The following GALNT18 variants were observed in gnomAD, a reference collection of about 807,000 sequenced individuals.
GALNT18 encodes the protein GalNAc-transferase 18.
Under a neutral mutation model 69.5 loss-of-function variants are expected in GALNT18, and 44 were observed. The ratio of observed to expected loss-of-function variants is 0.63; its 90% CI spans 0.50 to 0.81. The LOEUF (loss-of-function observed/expected upper bound fraction) is 0.81. Among genes scored for constraint, GALNT18 ranks in the 40% least tolerant of loss-of-function variants. The pLI, the probability that GALNT18 is intolerant of heterozygous loss-of-function variation, is 0.00. For missense variants in GALNT18, 715 were observed against 810.0 expected, an observed-to-expected ratio of 0.88 and a Z score of 1.42; for synonymous variants, 364 against 318.2, an observed-to-expected ratio of 1.14 and a Z score of -1.53.
chr11:11,507,788 C>A (rs1450291300), intron 1 of GALNT18, among the ~76,000 whole-genome samples: 2 of 152,142 alleles, frequency 1.3e-5, no homozygotes, highest in African/African-American at 4.8e-5. Flanking sequence ...GAAAGGTAGA[C>A]CCACCCTCAA....
intron 2 of GALNT18, among the ~76,000 whole-genome samples, chr11:11,434,041 A>G (rs1468278323): frequency 6.6e-6 from 1 of 152,126 alleles, no homozygotes; most frequent in African/African-American, 2.4e-5. Context: ...GTTGCAGAAT[A>G]GGAATGGGCC....
chr11:11,420,656 C>A (rs751499782), intron 3 of GALNT18, among the ~76,000 whole-genome samples: 1 of 152,208 alleles, frequency 6.6e-6, no homozygotes, highest in Admixed American at 6.5e-5. Context: ...CTATTGTCTG[C>A]ACCTGATTTT....
rs1001661453 is a variant in GALNT18 at position 11,601,541 on chromosome 11, G to T, written c.235+19818C>A. On this transcript the variant is annotated intron_variant, in intron 1 of 10. Coordinates refer to ENST00000227756, the MANE Select transcript of GALNT18 (RefSeq NM_198516.3). The surrounding 1 kb of genome is among the most constrained non-coding windows in gnomAD (Gnocchi z 4.0). ...CTCCAGCTGTTAGCCTCCACTAGTT[G>T]CTACCTGATTGCTCTATTATTTTCA... 3.3e-5 allele frequency among the ~76,000 whole-genome samples: 5 copies of T among 152,166 alleles called. No homozygotes were observed. The highest frequency in any genetic ancestry group is 1.2e-4 in the African/African-American group (5 of 41,434).
intron 6 of GALNT18, among the ~76,000 whole-genome samples, chr11:11,371,490 T>C (rs1379320491): frequency 6.6e-6 from 1 of 152,126 alleles, no homozygotes; most frequent in Non-Finnish European, 1.5e-5. Flanking sequence ...CATGGATGTG[T>C]GAATAGGCTG....
intron 6 of GALNT18, among the ~76,000 whole-genome samples, chr11:11,368,076 T>C (rs1850811019): frequency 1.3e-5 from 2 of 152,366 alleles, no homozygotes; most frequent in South Asian, 4.1e-4. Context: ...GATGTTTTTA[T>C]TGGGCATACA....
At position 11,595,943 on chromosome 11, in the gene GALNT18, T is replaced by C. The variant is rs933687972; in HGVS notation, c.235+25416A>G. On this transcript the variant is annotated intron_variant, in intron 1 of 10. Coordinates refer to ENST00000227756, the MANE Select transcript of GALNT18 (RefSeq NM_198516.3). This position sits in a 1 kb window ranked among gnomAD's most constrained non-coding sequence, Gnocchi z 5.2. Reference sequence around the variant, plus strand: ...TTTTGTCACTGTGCTTTTGATGTCATACCTAAGTGGCCTTTGCCTAATCTA... The same window carrying C: ...TTTTGTCACTGTGCTTTTGATGTCACACCTAAGTGGCCTTTGCCTAATCTA... Among the ~76,000 whole-genome samples, 1 of 152,222 alleles carries C rather than the reference T, an allele frequency of 6.6e-6. No individual in the cohort carries two copies. The highest frequency in any genetic ancestry group is 1.5e-5 in the Non-Finnish European group (1 of 68,026).
At chr11:11,385,076 G>A (rs1008685728) in intron 3 of GALNT18, among the ~76,000 whole-genome samples, 1 of 152,154 alleles carries the variant, frequency 6.6e-6, no homozygotes, top group Non-Finnish European at 1.5e-5. Context: ...TGGTGGAAGG[G>A]GAAGGGGAGC....
chr11:11,404,200 G>A lies in GALNT18; in HGVS notation c.596-24936C>T, dbSNP rs984035284. Among the ~76,000 whole-genome samples, 6 of 152,178 alleles carry A rather than the reference G, an allele frequency of 3.9e-5. No homozygotes were observed. Among genetic ancestry groups the A allele is most frequent in the African/African-American group, 1.4e-4 (6 of 41,438 alleles). ...TGTCTAGGGGAGTTCATGCGTGCAC[G>A]GCATGGAGCCAATTATCGCTGCTCC... On this transcript the variant is annotated intron_variant, in intron 3 of 10. Coordinates refer to ENST00000227756, the MANE Select transcript of GALNT18 (RefSeq NM_198516.3). This position sits in a 1 kb window ranked among gnomAD's most constrained non-coding sequence, Gnocchi z 4.5.
At position 11,609,459 on chromosome 11, in the gene GALNT18, C is replaced by T. The variant is rs563275196; in HGVS notation, c.235+11900G>A. On this transcript the variant is annotated intron_variant, in intron 1 of 10. Transcript: ENST00000227756. Reference sequence around the variant, plus strand: ...CCTCAAGTCTTTGCTTATAGCAGAGCCCCTGACCACCTCCTCATGTAATTG... The same window carrying T: ...CCTCAAGTCTTTGCTTATAGCAGAGTCCCTGACCACCTCCTCATGTAATTG... Among the ~76,000 whole-genome samples, 57 of 152,332 alleles carry T rather than the reference C, an allele frequency of 3.7e-4. 1 individual carries two copies. In the South Asian group the frequency reaches 0.011, roughly 30 times the overall value.
Position 11,461,223 on chromosome 11 carries a change from G to T in GALNT18, c.236-12287C>A, listed in dbSNP as rs756847425. On this transcript the variant is annotated intron_variant, in intron 1 of 10. Transcript: ENST00000227756. This position sits in a 1 kb window ranked among gnomAD's most constrained non-coding sequence, Gnocchi z 4.1. ...TGGGTCTTTCCTCCCCTGCAAGGGGGACTTCTGGGCCTGGGTGTGTCTGAG... is the reference window on the plus strand; with the variant it reads ...TGGGTCTTTCCTCCCCTGCAAGGGGTACTTCTGGGCCTGGGTGTGTCTGAG... Among the ~76,000 whole-genome samples, 1 of 152,226 alleles carries T rather than the reference G, an allele frequency of 6.6e-6. No homozygotes were observed. Among genetic ancestry groups the T allele is most frequent in the African/African-American group, 2.4e-5 (1 of 41,458 alleles).
intron 1 of GALNT18, among the ~76,000 whole-genome samples, chr11:11,526,675 A>G (rs553632852): frequency 6.6e-6 from 1 of 152,256 alleles, no homozygotes; most frequent in African/African-American, 2.4e-5. Flanking sequence ...CTGTGTCATC[A>G]TTGTCACCCT....
intron 1 of GALNT18, among the ~76,000 whole-genome samples, chr11:11,609,381 C>T (rs773681946): frequency 6.6e-6 from 1 of 152,238 alleles, no homozygotes; most frequent in Non-Finnish European, 1.5e-5. Context: ...CTGGCTGTTC[C>T]CTCCGCCTGG....
intron 10 of GALNT18, 126 bp downstream of exon 10, chr11:11,292,903 G>T (rs1166207043): frequency 4.8e-6 from 4 of 833,536 alleles, no homozygotes; most frequent in African/African-American, 3.5e-5. Flanking sequence ...TGGAGCCACA[G>T]CCTCACTACT....
chr11:11,300,725 C>T (rs985429095), intron 9 of GALNT18, among the ~76,000 whole-genome samples: 1 of 152,184 alleles, frequency 6.6e-6, no homozygotes, highest in Admixed American at 6.5e-5. Flanking sequence ...ACAAGAATCA[C>T]AAGGACAAAC....
chr11:11,468,515 C>G (rs1229060569), intron 1 of GALNT18, among the ~76,000 whole-genome samples: 2 of 150,600 alleles, frequency 1.3e-5, no homozygotes, highest in African/African-American at 4.9e-5. Flanking sequence ...GCAGTGCTCC[C>G]CAGCATACAC....
Position 11,339,433 on chromosome 11 carries a change from G to A in GALNT18, c.1278+1386C>T, listed in dbSNP as rs1309193993. Among the ~76,000 whole-genome samples the A allele has an allele frequency of 2.6e-5, 4 of 152,134 alleles. No individual in the cohort carries two copies. Among genetic ancestry groups the A allele is most frequent in the Non-Finnish European group, 5.9e-5 (4 of 68,036 alleles). ...GGGGTACAGAGAGAAGGCAGTAAGA[G>A]TATGCTCACTCACCAGTCCTAAGCA... On this transcript the variant is annotated intron_variant, in intron 7 of 10. Transcript: ENST00000227756. This position sits in a 1 kb window ranked among gnomAD's most constrained non-coding sequence, Gnocchi z 5.2.
chr11:11,311,038 C>G (rs114312088), intron 9 of GALNT18, among the ~76,000 whole-genome samples: 2,162 of 152,246 alleles, frequency 0.014, 52 homozygotes, highest in African/African-American at 0.049. Flanking sequence ...GTACCACCTC[C>G]TCCAGAGGCC....
rs1853987947 is a variant in GALNT18, at chr11:11,383,949, T to C, written c.596-4685A>G. Reference sequence around the variant, plus strand: ...TGAGGCCTCCGCAGCCATGTGGAACTGTGAGTCAATTAAACCTCTTTTCTT... The same window carrying C: ...TGAGGCCTCCGCAGCCATGTGGAACCGTGAGTCAATTAAACCTCTTTTCTT... On this transcript the variant is annotated intron_variant, in intron 3 of 10. Coordinates refer to ENST00000227756, the MANE Select transcript of GALNT18 (RefSeq NM_198516.3). The surrounding 1 kb of genome is among the most constrained non-coding windows in gnomAD (Gnocchi z 5.2). Among the ~76,000 whole-genome samples the C allele has an allele frequency of 6.6e-6, 1 of 152,208 alleles. No homozygotes were observed. The highest frequency in any genetic ancestry group is 6.5e-5 in the Admixed American group (1 of 15,286).
chr11:11,354,892 AC>A (rs1482168365), intron 6 of GALNT18, among the ~76,000 whole-genome samples: 1 of 152,058 alleles, frequency 6.6e-6, no homozygotes, highest in Non-Finnish European at 1.5e-5. Flanking sequence ...GAAGCCTGTA[AC>A]CTGTAATTCA....
Sources: gnomAD v4.1 joint callset for allele counts (sites outside exome capture counted in the v4.1 genomes callset) on GRCh38, gnomAD v4.1.1 for gene constraint, Gnocchi (gnomAD v3.1) non-coding constraint, MANE v1.5 for transcripts, NCBI Gene and HGNC (gene_info 2026-07-23, HGNC 2026-07-21) for gene names.